The following DNAJB14 variants were observed in gnomAD, a reference collection of about 807,000 sequenced individuals.
The protein encoded by DNAJB14 is dnaJ homolog subfamily B member 14.
DNAJB14 carries 22 observed loss-of-function variants against 48.4 expected under a neutral mutation model. The observed-to-expected ratio is 0.45, with a 90% confidence interval of 0.32 to 0.65. The LOEUF is 0.65. Ranked by LOEUF, DNAJB14 falls within the 30% of genes least tolerant of loss-of-function variation. The pLI is 0.03. For missense variants in DNAJB14, 319 were observed against 458.8 expected (o/e 0.70, Z 2.78); for synonymous variants, 142 against 158.7 (o/e 0.89, Z 0.79).
chr4:99,902,365 C>T (rs952095501), intron 7 of DNAJB14, among the ~76,000 whole-genome samples: 2 of 143,594 alleles, frequency 1.4e-5, no homozygotes, highest in Non-Finnish European at 3.1e-5. Flanking sequence ...TATCTCCAGA[C>T]GTTACCAAAC....
chr4:99,911,508 AATGT>A (rs1388737340), intron 3 of DNAJB14, among the ~76,000 whole-genome samples: 1 of 152,130 alleles, frequency 6.6e-6, no homozygotes, highest in Non-Finnish European at 1.5e-5. Flanking sequence ...TCCCATTAAC[AATGT>A]ATGAGTGATC....
At chr4:99,919,589 A>G (rs1464717381) in intron 3 of DNAJB14, among the ~76,000 whole-genome samples, 1 of 145,666 alleles carries the variant, frequency 6.9e-6, no homozygotes, top group Non-Finnish European at 1.5e-5. Context: ...ATCTTAAAAA[A>G]CAAACAAACA....
intron 7 of DNAJB14, among the ~76,000 whole-genome samples, chr4:99,902,555 G>A (rs1251666329): frequency 6.6e-6 from 1 of 152,132 alleles, no homozygotes; most frequent in Non-Finnish European, 1.5e-5. Flanking sequence ...AGAAAACCAA[G>A]ACCAGAGAGG....
At chr4:99,932,664 A>T (rs997182416) in intron 1 of DNAJB14, among the ~76,000 whole-genome samples, 5 of 152,340 alleles carry the variant, frequency 3.3e-5, no homozygotes, top group South Asian at 2.1e-4. Context: ...CATATCCAAG[A>T]GAAATGATAT....
intron 3 of DNAJB14, among the ~76,000 whole-genome samples, chr4:99,914,728 T>C (rs192994969): frequency 1.3e-5 from 2 of 152,262 alleles, no homozygotes; most frequent in Admixed American, 1.3e-4. Flanking sequence ...TACAGGGCTA[T>C]TCACGTTATC....
intron 1 of DNAJB14, among the ~76,000 whole-genome samples, chr4:99,935,728 G>A (rs573426649): frequency 6.6e-6 from 1 of 152,186 alleles, no homozygotes; most frequent in East Asian, 1.9e-4. Flanking sequence ...GGCATCTGGG[G>A]CTGGCAATGC....
intron 3 of DNAJB14, among the ~76,000 whole-genome samples, chr4:99,913,630 T>G (rs796708386): frequency 1.3e-5 from 2 of 151,296 alleles, no homozygotes; most frequent in Admixed American, 6.6e-5. Flanking sequence ...AGTTTTTTTT[T>G]TTTTTTTTTT....
At chr4:99,946,416 G>C in intron 1 of DNAJB14, 23 bp downstream of exon 1, 1 of 1,599,320 alleles carries the variant, frequency 6.3e-7, no homozygotes, top group Non-Finnish European at 8.5e-7. Flanking sequence ...TGGGCAGGAA[G>C]AGAAGGGACG....
chr4:99,930,372 ACT>A, intron 2 of DNAJB14, 76 bp downstream of exon 2: 1 of 1,385,124 alleles, frequency 7.2e-7, no homozygotes, highest in Non-Finnish European at 9.7e-7. Flanking sequence ...GTTATATTTC[ACT>A]TTTTTCAGGT....
chr4:99,902,698 ACC>A (rs749366502), intron 7 of DNAJB14, among the ~76,000 whole-genome samples: 9 of 152,084 alleles, frequency 5.9e-5, no homozygotes, highest in African/African-American at 1.2e-4. Flanking sequence ...TTCACAACAA[ACC>A]CCATAAAGTT....
intron 4 of DNAJB14, 70 bp downstream of exon 4, chr4:99,908,640 TA>T: frequency 8.6e-7 from 1 of 1,164,106 alleles, no homozygotes; most frequent in Non-Finnish European, 1.2e-6. Context: ...GATACATCTC[TA>T]AATAACGTTA....
chr4:99,923,849 T>C (rs961407126), intron 2 of DNAJB14: 1 of 984,984 alleles, frequency 1.0e-6, no homozygotes, highest in Non-Finnish European at 1.2e-6. Flanking sequence ...ATCCCCGTTA[T>C]GCCAAAGATA....
chr4:99,897,944 T>G lies in DNAJB14; in HGVS notation c.*3084A>C, dbSNP rs537838373. On this transcript the variant is annotated 3_prime_UTR_variant, in exon 8 of 8. Coordinates refer to ENST00000442697, the MANE Select transcript of DNAJB14 (RefSeq NM_001031723.4). Reference sequence around the variant, plus strand: ...GTCCTCAAGCCAACATCAAGAAATATTTAGCTGTCTTAACACAGGTGGGAG... The same window carrying G: ...GTCCTCAAGCCAACATCAAGAAATAGTTAGCTGTCTTAACACAGGTGGGAG... 6.6e-6 allele frequency: 1 copy of G among 151,980 alleles called. No homozygotes were observed. Among genetic ancestry groups the G allele is most frequent in the Non-Finnish European group, 1.5e-5 (1 of 67,874 alleles). The allele number at this position is 151,980 out of a possible 1,614,324, so 9.4% of individuals were successfully genotyped here.
chr4:99,916,263 C>T (rs1253317187), intron 3 of DNAJB14, among the ~76,000 whole-genome samples: 1 of 152,138 alleles, frequency 6.6e-6, no homozygotes, highest in Non-Finnish European at 1.5e-5. Context: ...CTCAGCCTCC[C>T]AAGTAGCTGG....
chr4:99,932,729 TACAA>T (rs1427185378), intron 1 of DNAJB14, among the ~76,000 whole-genome samples: 1 of 152,116 alleles, frequency 6.6e-6, no homozygotes, highest in African/African-American at 2.4e-5. Flanking sequence ...GGCAAAAAGA[TACAA>T]ACAACCAAAT....
intron 1 of DNAJB14, among the ~76,000 whole-genome samples, chr4:99,931,285 T>C (rs893205231): frequency 7.2e-5 from 11 of 152,132 alleles, no homozygotes; most frequent in African/African-American, 2.4e-4. Flanking sequence ...ATAATTCTTA[T>C]CAAGGATTTG....
intron 5 of DNAJB14, 55 bp downstream of exon 5, chr4:99,906,462 A>G: frequency 6.5e-7 from 1 of 1,534,290 alleles, no homozygotes; most frequent in South Asian, 1.1e-5. Context: ...GACAACTCTA[A>G]TTACTTTTCC....
intron 3 of DNAJB14, among the ~76,000 whole-genome samples, chr4:99,911,910 T>C (rs924094820): frequency 6.6e-6 from 1 of 152,204 alleles, no homozygotes; most frequent in Admixed American, 6.5e-5. Context: ...TTAACAACTT[T>C]TCCTTTTATG....
At chr4:99,918,131 C>CA (rs1230658181) in intron 3 of DNAJB14, among the ~76,000 whole-genome samples, 1 of 152,146 alleles carries the variant, frequency 6.6e-6, no homozygotes, top group Non-Finnish European at 1.5e-5. Flanking sequence ...GCTATAGTCC[C>CA]ACCTGTCTCT....
Sources: gnomAD v4.1 joint callset for allele counts (sites outside exome capture counted in the v4.1 genomes callset) on GRCh38, gnomAD v4.1.1 for gene constraint, MANE v1.5 for transcripts, NCBI Gene and HGNC (gene_info 2026-07-23, HGNC 2026-07-21) for gene names.